ZC3H3: variants seen among roughly 807,000 people sequenced by gnomAD.
ZC3H3 encodes zinc finger CCCH domain-containing protein 3.
ZC3H3 carries 36 observed loss-of-function variants against 77.3 expected under a neutral mutation model. The observed-to-expected ratio is 0.47, with a 90% confidence interval of 0.36 to 0.61. The LOEUF (loss-of-function observed/expected upper bound fraction) is 0.61. Ranked by LOEUF, ZC3H3 falls within the 20% of genes least tolerant of loss-of-function variation. ZC3H3 has a pLI of 0.00. For missense variants in ZC3H3, 1,331 were observed against 1,312.2 expected, an observed-to-expected ratio of 1.01 and a Z score of -0.22; for synonymous variants, 626 against 555.2, an observed-to-expected ratio of 1.13 and a Z score of -1.79.
chr8:143,520,017 C>T (rs1355337760), intron 3 of ZC3H3, among the ~76,000 whole-genome samples: 2 of 152,164 alleles, frequency 1.3e-5, no homozygotes, highest in Non-Finnish European at 2.9e-5. Flanking sequence ...CAGCACTGCT[C>T]GCCCCACCCA....
intron 4 of ZC3H3, chr8:143,484,672 C>A (rs1821002803): frequency 5.2e-6 from 1 of 190,892 alleles, no homozygotes; most frequent in Non-Finnish European, 1.1e-5. Context: ...GGGCCCGCGA[C>A]CCTCTGCACC....
At chr8:143,452,121 A>G (rs1054603811) in intron 9 of ZC3H3, among the ~76,000 whole-genome samples, 4 of 152,214 alleles carry the variant, frequency 2.6e-5, no homozygotes, top group African/African-American at 4.8e-5. Flanking sequence ...ACGCAAAACC[A>G]CTGCACCCCC....
At chr8:143,501,242 C>A (rs1247566080) in intron 4 of ZC3H3, among the ~76,000 whole-genome samples, 1 of 152,060 alleles carries the variant, frequency 6.6e-6, no homozygotes, top group Non-Finnish European at 1.5e-5. Flanking sequence ...GATCTGTCGC[C>A]CAGACTGGAG....
intron 5 of ZC3H3, 42 bp downstream of exon 5, chr8:143,475,356 C>T (rs370413838): frequency 1.8e-4 from 283 of 1,586,198 alleles, no homozygotes; most frequent in Non-Finnish European, 2.3e-4. Flanking sequence ...ACACGCTAGC[C>T]GGTCGGTGTC....
At chr8:143,481,833 C>T (rs753285580) in intron 4 of ZC3H3, among the ~76,000 whole-genome samples, 27 of 152,252 alleles carry the variant, frequency 1.8e-4, no homozygotes, top group Non-Finnish European at 3.8e-4. Flanking sequence ...CATCAGCCTC[C>T]ACTCGGACCC....
At chr8:143,465,198 C>T (rs929299569) in intron 9 of ZC3H3, among the ~76,000 whole-genome samples, 21 of 152,280 alleles carry the variant, frequency 1.4e-4, no homozygotes, top group African/African-American at 4.6e-4. Context: ...TGAGCTCCAG[C>T]GCCAGCTCAC....
Position 143,468,664 on chromosome 8 carries a change from G to A in ZC3H3, c.1904-5C>T, listed in dbSNP as rs375095721. 31 of 1,549,052 alleles carry A rather than the reference G, an allele frequency of 2.0e-5. No homozygotes were observed. In the Middle Eastern group the frequency reaches 7.4e-4, roughly 37 times the overall value. On this transcript the variant is annotated splice_region_variant and splice_polypyrimidine_tract_variant and intron_variant, in intron 5 of 11. Transcript: ENST00000262577. The stretch of plus-strand genomic sequence containing the variant: ...TGCCTGCAGGATCCAGCCGGCCTGT[G>A]GGGGAGAGAGGCACGGGTCATAGCA...
chr8:143,469,693 G>T (rs556899539), intron 5 of ZC3H3, among the ~76,000 whole-genome samples: 23 of 152,306 alleles, frequency 1.5e-4, no homozygotes, highest in African/African-American at 5.1e-4. Context: ...CGGGGAGGGG[G>T]TGCCATCTGG....
At chr8:143,540,885 TGAG>T (rs1242394180) in intron 1 of ZC3H3, among the ~76,000 whole-genome samples, 6 of 152,004 alleles carry the variant, frequency 3.9e-5, no homozygotes, top group South Asian at 2.1e-4. Flanking sequence ...GAACCCAGGA[TGAG>T]GAGATTGCAG....
chr8:143,534,296 ACG>A (rs1430766917), intron 3 of ZC3H3, among the ~76,000 whole-genome samples: 6 of 144,986 alleles, frequency 4.1e-5, no homozygotes, highest in Non-Finnish European at 7.6e-5. Context: ...AAAAAAAAAA[ACG>A]ACGAGATCAA....
At position 143,475,388 on chromosome 8, in the gene ZC3H3, C is replaced by A; in HGVS notation, c.1903+10G>T. 3.1e-6 allele frequency: 5 copies of A among 1,608,578 alleles called. No homozygotes were observed. Among genetic ancestry groups the A allele is most frequent in the Non-Finnish European group, 4.2e-6 (5 of 1,177,528 alleles). On this transcript the variant is annotated intron_variant, in intron 5 of 11. Transcript: ENST00000262577. ...TGTCATCTCCCAGCGCCCCCGCCCT[C>A]ACCTCTCACCTGTGCGCAGGAGGGG... is the stretch of plus-strand genomic sequence containing the variant.
intron 3 of ZC3H3, among the ~76,000 whole-genome samples, chr8:143,520,222 C>T (rs1273716331): frequency 6.6e-6 from 1 of 152,262 alleles, no homozygotes; most frequent in Admixed American, 6.5e-5. Context: ...GTCTCCCCCT[C>T]AACAGAACAA....
Position 143,460,782 on chromosome 8 carries a change from C to A in ZC3H3, c.2307+4935G>T, listed in dbSNP as rs560725509. Among the ~76,000 whole-genome samples the A allele has an allele frequency of 3.3e-4, 50 of 152,270 alleles. No homozygotes were observed. Among genetic ancestry groups the A allele is most frequent in the African/African-American group, 8.7e-4 (36 of 41,544 alleles). On this transcript the variant is annotated intron_variant, in intron 9 of 11. Transcript: ENST00000262577. The surrounding 1 kb of genome is among the most constrained non-coding windows in gnomAD (Gnocchi z 4.0). ...TATGCCGGGTGAAAGATGCCAGACA[C>A]CAAAGGACAGATGCTGGATGATTCC...
chr8:143,445,811 G>C (rs905621890), intron 9 of ZC3H3, among the ~76,000 whole-genome samples: 1 of 152,060 alleles, frequency 6.6e-6, no homozygotes, highest in Middle Eastern at 3.2e-3. Context: ...CCACCAAACC[G>C]AGCTACAGAT....
intron 3 of ZC3H3, among the ~76,000 whole-genome samples, chr8:143,526,360 G>C (rs1822412395): frequency 1.3e-5 from 2 of 152,242 alleles, no homozygotes. Context: ...GGAAGACCAG[G>C]TGCCTGCGGG....
chr8:143,539,160 C>G lies in ZC3H3; in HGVS notation c.207G>C (p.Ser69=), dbSNP rs376535248. ...TCACGAGGGAGTATTTCTTGCGCCA[C>G]GAAGGCCCATGGTGGGAAGAGTAGC... is the stretch of plus-strand genomic sequence containing the variant. ...RRGYSSHHGP[S]WRKKYSLVNR... is the part of the protein sequence containing the mutation. Residue 69 remains serine, a synonymous_variant, in exon 2 of 12, where the codon TCG becomes TCC. Transcript: ENST00000262577. The G allele has an allele frequency of 1.2e-5, 20 of 1,612,950 alleles. No individual in the cohort carries two copies. The highest frequency in any genetic ancestry group is 1.7e-5 in the Non-Finnish European group (20 of 1,180,014).
chr8:143,453,191 A>C (rs1294634858), intron 9 of ZC3H3, among the ~76,000 whole-genome samples: 9 of 152,104 alleles, frequency 5.9e-5, no homozygotes, highest in Non-Finnish European at 1.3e-4. Flanking sequence ...AATCCTCCCA[A>C]CTCAGCCACC....
At chr8:143,523,279 G>A (rs557477969) in intron 3 of ZC3H3, 161 of 977,654 alleles carry the variant, frequency 1.6e-4, no homozygotes, top group Non-Finnish European at 1.9e-4. Flanking sequence ...GTCCCCAGGG[G>A]CTATAGCAAA....
Position 143,516,894 on chromosome 8 carries a change from C to T in ZC3H3, c.1562-8995G>A, listed in dbSNP as rs146442658. ...AGGGCCATAAGTCACCCTAAGCAGC[C>T]ATCCGCAGTGCAGTCTGAGGAGTTT... On this transcript the variant is annotated intron_variant, in intron 3 of 11. Coordinates refer to ENST00000262577, the MANE Select transcript of ZC3H3 (RefSeq NM_015117.3). Among the ~76,000 whole-genome samples the T allele has an allele frequency of 2.2e-3, 335 of 152,340 alleles. 3 individuals are homozygous for T. Among genetic ancestry groups the T allele is most frequent in the African/African-American group, 7.7e-3 (320 of 41,582 alleles).
Sources: gnomAD v4.1 joint callset for allele counts (sites outside exome capture counted in the v4.1 genomes callset) on GRCh38, gnomAD v4.1.1 for gene constraint, Gnocchi (gnomAD v3.1) non-coding constraint, MANE v1.5 for transcripts, NCBI Gene and HGNC (gene_info 2026-07-23, HGNC 2026-07-21) for gene names.